Variants in ZNF148 observed in about 807,000 individuals in gnomAD.
The protein encoded by ZNF148 is zinc finger protein 148.
Under a neutral mutation model 67.7 loss-of-function variants are expected in ZNF148, and 7 were observed. That is an observed-to-expected ratio of 0.10 (90% CI 0.06 to 0.19). ZNF148 has a LOEUF of 0.19. Among genes scored for constraint, ZNF148 ranks in the 10% least tolerant of loss-of-function variants. The pLI is 1.00. For synonymous variants in ZNF148, 333 were observed against 330.7 expected (o/e 1.01, Z -0.08); for missense variants, 583 against 947.1 (o/e 0.62, Z 5.05).
intron 3 of ZNF148, among the ~76,000 whole-genome samples, chr3:125,321,606 A>T (rs1424762700): frequency 1.3e-5 from 2 of 152,184 alleles, no homozygotes; most frequent in Non-Finnish European, 2.9e-5. Flanking sequence ...ATACTAAAAC[A>T]TCAAATTTAT....
At chr3:125,309,575 G>C (rs564082965) in intron 4 of ZNF148, among the ~76,000 whole-genome samples, 10 of 149,418 alleles carry the variant, frequency 6.7e-5, no homozygotes, top group African/African-American at 2.4e-4. Context: ...AAATGGTGGC[G>C]AAAGGGGCTG....
At chr3:125,281,286 T>G (rs1938370958) in intron 5 of ZNF148, among the ~76,000 whole-genome samples, 1 of 152,102 alleles carries the variant, frequency 6.6e-6, no homozygotes, top group Admixed American at 6.6e-5. Context: ...AGTTTTGAAT[T>G]TTTTCAACCC....
intron 7 of ZNF148, among the ~76,000 whole-genome samples, chr3:125,237,310 AGTGGCTCATGCCTGTAATCCCAG>A (rs1293218287): frequency 1.3e-5 from 2 of 152,192 alleles, no homozygotes; most frequent in African/African-American, 4.8e-5. Context: ...AGCTGGGTGC[AGTGGCTCATGCCTGTAATCCCAG>A]CACTTTGGGA....
intron 4 of ZNF148, among the ~76,000 whole-genome samples, chr3:125,303,425 G>A (rs889925609): frequency 1.3e-5 from 2 of 152,190 alleles, no homozygotes; most frequent in African/African-American, 2.4e-5. Flanking sequence ...AGCAAGCAAA[G>A]CTTCATCTGT....
At chr3:125,342,254 T>G (rs1010378919) in intron 1 of ZNF148, among the ~76,000 whole-genome samples, 3 of 151,900 alleles carry the variant, frequency 2.0e-5, no homozygotes, top group Non-Finnish European at 4.4e-5. Context: ...AACACTAACT[T>G]GCAGATCCAA....
At chr3:125,296,992 A>T (rs1241140578) in intron 4 of ZNF148, among the ~76,000 whole-genome samples, 3 of 152,056 alleles carry the variant, frequency 2.0e-5, no homozygotes, top group Non-Finnish European at 4.4e-5. Flanking sequence ...AATGTTAGCA[A>T]TGGTATGTCA....
In ZNF148 at chr3:125,229,677, T is replaced by C. The variant is rs1935774439; in HGVS notation, c.*2664A>G. On this transcript the variant is annotated 3_prime_UTR_variant, in exon 9 of 9. Coordinates refer to ENST00000360647, the MANE Select transcript of ZNF148 (RefSeq NM_021964.3). ...AGCATGTTTTTATAGAACAATGTGCTCACTTTGAGAAATGAGAAACATGAA... is the reference window on the plus strand; with the variant it reads ...AGCATGTTTTTATAGAACAATGTGCCCACTTTGAGAAATGAGAAACATGAA... 6.6e-6 allele frequency: 1 copy of C among 152,128 alleles called. No homozygotes were observed. The allele number at this position is 152,128 out of a possible 1,614,324, so 9.4% of individuals were successfully genotyped here.
Position 125,358,196 on chromosome 3 carries a change from C to T in ZNF148, c.-234+16906G>A, listed in dbSNP as rs1052882942. 5.9e-5 allele frequency among the ~76,000 whole-genome samples: 9 copies of T among 152,138 alleles called. No individual in the cohort carries two copies. In the East Asian group the frequency reaches 1.2e-3, roughly 20 times the overall value. On this transcript the variant is annotated intron_variant, in intron 1 of 8. Transcript: ENST00000360647. Reference sequence around the variant, plus strand: ...GGTGTGGTGGCGGGCACCTGTAATCCCAGTTATTCAGGAGGCTGAGACAGG... The same window carrying T: ...GGTGTGGTGGCGGGCACCTGTAATCTCAGTTATTCAGGAGGCTGAGACAGG...
chr3:125,350,370 G>A (rs539856396), intron 1 of ZNF148, among the ~76,000 whole-genome samples: 3 of 151,916 alleles, frequency 2.0e-5, no homozygotes. Flanking sequence ...TCACCATGTT[G>A]GCCAGGCGGG....
intron 7 of ZNF148, among the ~76,000 whole-genome samples, chr3:125,241,586 AAG>A (rs1936363344): frequency 6.6e-6 from 1 of 152,208 alleles, no homozygotes; most frequent in African/African-American, 2.4e-5. Flanking sequence ...TAGCAGCAGA[AAG>A]AGAATTAGCT....
At chr3:125,258,250 A>G (rs1016188195) in intron 7 of ZNF148, among the ~76,000 whole-genome samples, 16 of 151,836 alleles carry the variant, frequency 1.1e-4, no homozygotes, top group African/African-American at 2.7e-4. Context: ...GTGAAACCCC[A>G]TCTCTACTAA....
intron 7 of ZNF148, among the ~76,000 whole-genome samples, chr3:125,263,621 A>G (rs1394561685): frequency 6.6e-6 from 1 of 151,986 alleles, no homozygotes; most frequent in Non-Finnish European, 1.5e-5. Context: ...AAACTCTAGT[A>G]ATTTCCTGAG....
At chr3:125,373,215 C>T (rs1329491372) in intron 1 of ZNF148, among the ~76,000 whole-genome samples, 4 of 150,888 alleles carry the variant, frequency 2.7e-5, no homozygotes, top group East Asian at 2.0e-4. Flanking sequence ...GAGGCCAAGG[C>T]GGGCGGATCA....
chr3:125,258,777 G>C (rs1366468019), intron 7 of ZNF148, among the ~76,000 whole-genome samples: 1 of 151,988 alleles, frequency 6.6e-6, no homozygotes. Context: ...TTAAGAAATA[G>C]ATGTTATGTA....
At chr3:125,311,019 A>G (rs530578774) in intron 4 of ZNF148, 72 of 202,454 alleles carry the variant, frequency 3.6e-4, no homozygotes, top group African/African-American at 1.5e-3. Context: ...CACAGGCCAC[A>G]GGCTATGACC....
chr3:125,326,231 G>A (rs1170538923), intron 2 of ZNF148, among the ~76,000 whole-genome samples: 1 of 151,918 alleles, frequency 6.6e-6, no homozygotes, highest in Admixed American at 6.6e-5. Flanking sequence ...CAAATATGTG[G>A]ATTAATTCAA....
At chr3:125,238,977 A>T (rs1936220611) in intron 7 of ZNF148, among the ~76,000 whole-genome samples, 1 of 152,258 alleles carries the variant, frequency 6.6e-6, no homozygotes, top group Admixed American at 6.5e-5. Context: ...AATCTTGAAG[A>T]CATTACGCTA....
In ZNF148 at chr3:125,230,728, A is replaced by C. The variant is rs1351008674; in HGVS notation, c.*1613T>G. 1 of 152,414 alleles carries C rather than the reference A, an allele frequency of 6.6e-6. No individual in the cohort carries two copies. The allele number at this position is 152,414 out of a possible 1,614,324, so 9.4% of individuals were successfully genotyped here. ...CAGTATAAGAGTCAAAATGGAAATT[A>C]AGAATATTTTCATTTTCCAAGGGTA... On this transcript the variant is annotated 3_prime_UTR_variant, in exon 9 of 9. Coordinates refer to ENST00000360647, the MANE Select transcript of ZNF148 (RefSeq NM_021964.3).
chr3:125,267,533 T>A (rs1025567886), intron 7 of ZNF148, among the ~76,000 whole-genome samples: 6 of 152,092 alleles, frequency 3.9e-5, no homozygotes, highest in Non-Finnish European at 8.8e-5. Flanking sequence ...CAGCATCCCT[T>A]CATTATAAAA....
Sources: gnomAD v4.1 joint callset for allele counts (sites outside exome capture counted in the v4.1 genomes callset) on GRCh38, gnomAD v4.1.1 for gene constraint, MANE v1.5 for transcripts, NCBI Gene and HGNC (gene_info 2026-07-23, HGNC 2026-07-21) for gene names.